IL1RAP: variants seen among roughly 807,000 people sequenced by gnomAD.
IL1RAP encodes interleukin 1 receptor accessory protein, also known as interleukin-1 receptor accessory protein.
Under a neutral mutation model 60.7 loss-of-function variants are expected in IL1RAP, and 35 were observed. The ratio of observed to expected loss-of-function variants is 0.58; its 90% CI spans 0.44 to 0.76. IL1RAP has a LOEUF of 0.76. Among genes scored for constraint, IL1RAP ranks in the 30% least tolerant of loss-of-function variants. IL1RAP has a pLI of 0.00. For missense variants in IL1RAP, 572 were observed against 693.9 expected (o/e 0.82, Z 1.97); for synonymous variants, 268 against 250.9 (o/e 1.07, Z -0.64).
Position 190,649,735 on chromosome 3 carries a change from A to G in IL1RAP, c.*1030A>G, listed in dbSNP as rs906848213. On this transcript the variant is annotated 3_prime_UTR_variant, in exon 12 of 12. Transcript: ENST00000447382. Reference sequence around the variant, plus strand: ...CTTGAGAGTTGCTTTTGGCATTAATATTCTAAGAGAATTAACTGTATTTCC... The same window carrying G: ...CTTGAGAGTTGCTTTTGGCATTAATGTTCTAAGAGAATTAACTGTATTTCC... 2.9e-5 allele frequency: 29 copies of G among 985,654 alleles called. No homozygotes were observed. The highest frequency in any genetic ancestry group is 3.1e-5 in the Non-Finnish European group (26 of 829,938). 61.1% of individuals were successfully genotyped at this position (985,654 alleles called of 1,614,324 possible). A position where few individuals can be genotyped will look rare whatever the true frequency, so the allele number is the denominator to read the frequency against.
chr3:190,612,791 C>T (rs1442864552), intron 5 of IL1RAP, among the ~76,000 whole-genome samples: 3 of 152,004 alleles, frequency 2.0e-5, no homozygotes, highest in Non-Finnish European at 2.9e-5. Context: ...TAAATAAAAC[C>T]GTCATAAGTT....
At position 190,604,446 on chromosome 3, in the gene IL1RAP, TC is replaced by T. The variant is rs758111253; in HGVS notation, c.350+36del. ...GATTCTTGGCAGTGGCTTTCTCTTTTCCCTTTAGTTTCTGGGCTCTTTTCCG... is the reference window on the plus strand; with the variant it reads ...GATTCTTGGCAGTGGCTTTCTCTTTTCCTTTAGTTTCTGGGCTCTTTTCCG... On this transcript the variant is annotated intron_variant, in intron 4 of 11. Transcript: ENST00000447382. The T allele has an allele frequency of 1.2e-5, 19 of 1,596,190 alleles. No homozygotes were observed. In the East Asian group the frequency reaches 2.0e-4, roughly 17 times the overall value.
In IL1RAP at chr3:190,648,203, A is replaced by C. The variant is rs573504131; in HGVS notation, c.1346-135A>C. Reference sequence around the variant, plus strand: ...TGCAGGTATAAGGATTAAGTTGTTCACATTTTTGCTGGTAAAATGTTTCAC... The same window carrying C: ...TGCAGGTATAAGGATTAAGTTGTTCCCATTTTTGCTGGTAAAATGTTTCAC... On this transcript the variant is annotated intron_variant, in intron 11 of 11. Transcript: ENST00000447382. The C allele has an allele frequency of 1.8e-5, 20 of 1,123,762 alleles. No homozygotes were observed. In the East Asian group the frequency reaches 2.2e-4, roughly 12 times the overall value. The allele number at this position is 1,123,762 out of a possible 1,614,324, so 69.6% of individuals were successfully genotyped here. A position where few individuals can be genotyped will look rare whatever the true frequency, so the allele number is the denominator to read the frequency against.
intron 9 of IL1RAP, chr3:190,642,076 C>T (rs192889749): frequency 4.6e-5 from 7 of 152,296 alleles, no homozygotes; most frequent in Admixed American, 1.3e-4. Flanking sequence ...CTATGATTCA[C>T]CCTTTAATAA....
At chr3:190,572,043 C>T (rs1458959682) in intron 3 of IL1RAP, among the ~76,000 whole-genome samples, 1 of 151,946 alleles carries the variant, frequency 6.6e-6, no homozygotes. Flanking sequence ...TTTGTTTGCC[C>T]TTTTTTTCAA....
At chr3:190,568,802 ATTCT>A (rs1726652666) in intron 3 of IL1RAP, among the ~76,000 whole-genome samples, 1 of 152,230 alleles carries the variant, frequency 6.6e-6, no homozygotes, top group African/African-American at 2.4e-5. Flanking sequence ...AGCTACTTAA[ATTCT>A]TTCTAATAAC....
At chr3:190,616,935 A>G (rs1177986396) in intron 5 of IL1RAP, among the ~76,000 whole-genome samples, 2 of 152,132 alleles carry the variant, frequency 1.3e-5, no homozygotes, top group Non-Finnish European at 2.9e-5. Context: ...CAAAGGAGGA[A>G]CTCTGCATGA....
intron 1 of IL1RAP, among the ~76,000 whole-genome samples, chr3:190,555,517 C>G (rs1398602920): frequency 6.6e-6 from 1 of 152,198 alleles, no homozygotes; most frequent in African/African-American, 2.4e-5. Context: ...ATTCATTTCA[C>G]GATCAGGCAT....
intron 1 of IL1RAP, among the ~76,000 whole-genome samples, chr3:190,540,106 C>T (rs538859078): frequency 2.0e-5 from 3 of 152,184 alleles, no homozygotes; most frequent in African/African-American, 7.2e-5. Context: ...AGAGAAAACA[C>T]TGTCATAGAG....
At chr3:190,589,553 G>T (rs1407042869) in intron 3 of IL1RAP, among the ~76,000 whole-genome samples, 4 of 152,194 alleles carry the variant, frequency 2.6e-5, no homozygotes, top group African/African-American at 4.8e-5. Context: ...TCTGGCAGGT[G>T]ATGAAGATCA....
chr3:190,532,692 G>T (rs1451291568), intron 1 of IL1RAP, among the ~76,000 whole-genome samples: 1 of 152,122 alleles, frequency 6.6e-6, no homozygotes, highest in African/African-American at 2.4e-5. Context: ...CCCGTGCTTT[G>T]CCTCCCTGTG....
chr3:190,636,176 A>G (rs1560235138), intron 9 of IL1RAP, among the ~76,000 whole-genome samples: 1 of 152,222 alleles, frequency 6.6e-6, no homozygotes, highest in South Asian at 2.1e-4. Context: ...AAAAAGACAT[A>G]TATTTTGTAG....
At chr3:190,658,661 A>G (rs1186141729) in exon 12 of IL1RAP, 1 of 152,242 alleles carries the variant, frequency 6.6e-6, no homozygotes, top group Non-Finnish European at 1.5e-5. Context: ...GTTGTGGCCC[A>G]ATGAGTGTCA....
At chr3:190,585,111 G>C (rs1004430148) in intron 3 of IL1RAP, among the ~76,000 whole-genome samples, 1 of 152,190 alleles carries the variant, frequency 6.6e-6, no homozygotes, top group African/African-American at 2.4e-5. Flanking sequence ...GCCCCGAAGA[G>C]AGAAACAATA....
intron 1 of IL1RAP, among the ~76,000 whole-genome samples, chr3:190,544,331 A>G (rs2108571238): frequency 6.6e-6 from 1 of 152,232 alleles, no homozygotes; most frequent in African/African-American, 2.4e-5. Flanking sequence ...ATTATAATCA[A>G]CTCCAATTAG....
At chr3:190,569,135 G>T (rs1240252959) in intron 3 of IL1RAP, among the ~76,000 whole-genome samples, 1 of 152,200 alleles carries the variant, frequency 6.6e-6, no homozygotes, top group East Asian at 1.9e-4. Context: ...AGGTAGGTTG[G>T]GAACAAATTA....
At chr3:190,586,298 C>T (rs904635210) in intron 3 of IL1RAP, among the ~76,000 whole-genome samples, 1 of 152,202 alleles carries the variant, frequency 6.6e-6, no homozygotes, top group Admixed American at 6.5e-5. Context: ...TTCCTTGTAT[C>T]TTTATCCCTC....
intron 3 of IL1RAP, among the ~76,000 whole-genome samples, chr3:190,571,805 A>G (rs1388128693): frequency 6.6e-6 from 1 of 152,138 alleles, no homozygotes; most frequent in African/African-American, 2.4e-5. Context: ...CCCAACACAA[A>G]TTTTGAAACT....
intron 1 of IL1RAP, among the ~76,000 whole-genome samples, chr3:190,549,356 A>G (rs1397108616): frequency 6.6e-6 from 1 of 152,130 alleles, no homozygotes; most frequent in Non-Finnish European, 1.5e-5. Context: ...TAGAATAAGG[A>G]TAAGGATAAA....
Sources: gnomAD v4.1 joint callset for allele counts (sites outside exome capture counted in the v4.1 genomes callset) on GRCh38, gnomAD v4.1.1 for gene constraint, MANE v1.5 for transcripts, NCBI Gene and HGNC (gene_info 2026-07-23, HGNC 2026-07-21) for gene names.